Variants in CTH observed in about 807,000 individuals in gnomAD.
CTH encodes cystathionine gamma-lyase.
CTH carries 41 observed loss-of-function variants against 50.6 expected under a neutral mutation model. That is an observed-to-expected ratio of 0.81 (90% confidence interval 0.63 to 1.05). The LOEUF is 1.05. Among genes scored for constraint, CTH ranks in the 50% least tolerant of loss-of-function variants. The pLI is 0.00. For synonymous variants in CTH, 156 were observed against 168.9 expected (o/e 0.92, Z 0.59); for missense variants, 470 against 492.6 (o/e 0.95, Z 0.43).
intron 10 of CTH, 53 bp from the exon 11 acceptor site, chr1:70,438,633 CAT>C: frequency 6.3e-7 from 1 of 1,599,944 alleles, no homozygotes; most frequent in South Asian, 1.1e-5. Flanking sequence ...GAGACAGAAA[CAT>C]GCCTCCACTG....
chr1:70,434,062 T>G lies in CTH; in HGVS notation c.999+113T>G, dbSNP rs1043542511. ...TTTTTGTATCTGCAGGTTACACTCATAAACCTCTTTATCATGAAATGCATT... is the reference window on the plus strand; with the variant it reads ...TTTTTGTATCTGCAGGTTACACTCAGAAACCTCTTTATCATGAAATGCATT... On this transcript the variant is annotated intron_variant, in intron 9 of 11. Transcript: ENST00000370938. 6 of 1,530,018 alleles carry G rather than the reference T, an allele frequency of 3.9e-6. No individual in the cohort carries two copies. The African/African-American group carries it at 8.2e-5, about 21-fold the overall frequency. The allele number at this position is 1,530,018 out of a possible 1,614,324, so 94.8% of individuals were successfully genotyped here. A position where few individuals can be genotyped will look rare whatever the true frequency, so the allele number is the denominator to read the frequency against.
chr1:70,427,192 G>C (rs1181143418), intron 5 of CTH, among the ~76,000 whole-genome samples: 1 of 152,020 alleles, frequency 6.6e-6, no homozygotes, highest in African/African-American at 2.4e-5. Context: ...TTGTCCTCTG[G>C]ATCTTCTGTA....
intron 11 of CTH, 55 bp from the exon 12 acceptor site, chr1:70,439,046 G>C: frequency 6.4e-7 from 1 of 1,569,296 alleles, no homozygotes; most frequent in Non-Finnish European, 8.8e-7. Context: ...TTGAGGAGTT[G>C]AAGCTATGGC....
intron 5 of CTH, among the ~76,000 whole-genome samples, chr1:70,425,798 AGG>A (rs1249716554): frequency 2.0e-5 from 3 of 152,164 alleles, no homozygotes; most frequent in Non-Finnish European, 4.4e-5. Context: ...GACAGTCCCA[AGG>A]GGAGATGACT....
intron 5 of CTH, among the ~76,000 whole-genome samples, chr1:70,424,651 C>G (rs1684307077): frequency 6.6e-6 from 1 of 152,044 alleles, no homozygotes; most frequent in African/African-American, 2.4e-5. Context: ...TAAAGCTTAC[C>G]AGTTCTCAGG....
intron 5 of CTH, 33 bp downstream of exon 5, chr1:70,424,449 G>A (rs1192270358): frequency 6.2e-7 from 1 of 1,612,912 alleles, no homozygotes; most frequent in Non-Finnish European, 8.5e-7. Flanking sequence ...GGCACAATTA[G>A]TAGACCACAT....
chr1:70,438,533 G>C (rs149883960), intron 10 of CTH, among the ~76,000 whole-genome samples, 155 bp from the exon 11 acceptor site: 1 of 152,096 alleles, frequency 6.6e-6, no homozygotes, highest in African/African-American at 2.4e-5. Flanking sequence ...GATAAGTTTC[G>C]TAATTTTCTC....
intron 7 of CTH, among the ~76,000 whole-genome samples, 154 bp downstream of exon 7, chr1:70,430,548 AT>A (rs139786655): frequency 1.9e-4 from 28 of 148,538 alleles, no homozygotes; most frequent in African/African-American, 2.7e-4. Context: ...TTATTTATTA[AT>A]TTTTTTTTTT....
chr1:70,422,666 C>T (rs945083186), intron 4 of CTH, among the ~76,000 whole-genome samples: 7 of 144,622 alleles, frequency 4.8e-5, no homozygotes, highest in African/African-American at 1.6e-4. Flanking sequence ...GGCTGTAGTG[C>T]AATGGCGCAA....
intron 5 of CTH, among the ~76,000 whole-genome samples, chr1:70,425,844 C>A (rs1684335083): frequency 6.6e-6 from 1 of 152,150 alleles, no homozygotes; most frequent in Non-Finnish European, 1.5e-5. Flanking sequence ...CCCTCATGAA[C>A]TAATCACCTC....
intron 3 of CTH, among the ~76,000 whole-genome samples, chr1:70,420,849 TA>T (rs1423479812): frequency 1.3e-5 from 2 of 152,184 alleles, no homozygotes; most frequent in African/African-American, 4.8e-5. Context: ...AAGAACTTTT[TA>T]CATTATTTTT....
chr1:70,412,849 A>AT (rs775723597), intron 1 of CTH, among the ~76,000 whole-genome samples: 1 of 152,138 alleles, frequency 6.6e-6, no homozygotes, highest in Non-Finnish European at 1.5e-5. Context: ...CATTTACACT[A>AT]TTTCCATTTG....
intron 4 of CTH, 47 bp from the exon 5 acceptor site, chr1:70,424,238 G>T (rs756245906): frequency 1.9e-6 from 3 of 1,612,960 alleles, no homozygotes; most frequent in Non-Finnish European, 2.5e-6. Flanking sequence ...ATGTATGTTT[G>T]TAAAGTATAT....
chr1:70,432,723 G>A (rs1210728706), intron 8 of CTH, among the ~76,000 whole-genome samples: 3 of 109,224 alleles, frequency 2.7e-5, no homozygotes, highest in African/African-American at 1.1e-4. Context: ...TTTCACTCTT[G>A]CCCAGGCTGG....
At chr1:70,436,349 C>CA (rs1443838832) in intron 10 of CTH, among the ~76,000 whole-genome samples, 1 of 151,968 alleles carries the variant, frequency 6.6e-6, no homozygotes, top group Non-Finnish European at 1.5e-5. Context: ...AAAACAACAA[C>CA]AAAAAATTAA....
At chr1:70,437,283 T>A (rs1684618406) in intron 10 of CTH, among the ~76,000 whole-genome samples, 1 of 152,228 alleles carries the variant, frequency 6.6e-6, no homozygotes, top group Admixed American at 6.5e-5. Flanking sequence ...GCACCTACTA[T>A]GAACTATTAT....
rs748783233 is a variant in CTH at position 70,438,839 on chromosome 1, A to G, written c.1191+13A>G. ...TTTGAAGGCAGCAGTAAGTCTTATTATTGTGTGTGTGTGTGTGTGTGTGTG... is the reference window on the plus strand; with the variant it reads ...TTTGAAGGCAGCAGTAAGTCTTATTGTTGTGTGTGTGTGTGTGTGTGTGTG... On this transcript the variant is annotated intron_variant, in intron 11 of 11. Coordinates refer to ENST00000370938, the MANE Select transcript of CTH (RefSeq NM_001902.6). 47 of 1,316,758 alleles carry G rather than the reference A, an allele frequency of 3.6e-5. No homozygotes were observed. Among genetic ancestry groups the G allele is most frequent in the Non-Finnish European group, 4.2e-5 (42 of 994,820 alleles). The allele number at this position is 1,316,758 out of a possible 1,614,324, so 81.6% of individuals were successfully genotyped here.
chr1:70,429,674 A>G, intron 5 of CTH, 120 bp from the exon 6 acceptor site: 1 of 731,736 alleles, frequency 1.4e-6, no homozygotes, highest in Non-Finnish European at 2.4e-6. Flanking sequence ...TAAGATGCAC[A>G]TACTTTTGCA....
intron 5 of CTH, among the ~76,000 whole-genome samples, chr1:70,429,202 A>C (rs371160550): frequency 1.3e-5 from 2 of 152,192 alleles, no homozygotes; most frequent in East Asian, 1.9e-4. Context: ...TTCAATACAG[A>C]CACAACTGTT....
Sources: allele counts gnomAD v4.1 joint callset (sites outside exome capture counted in the v4.1 genomes callset), GRCh38; gene constraint gnomAD v4.1.1; transcripts MANE v1.5; gene names NCBI Gene and HGNC (gene_info 2026-07-23, HGNC 2026-07-21).